The following VTI1A variants were observed in gnomAD, a reference collection of about 807,000 sequenced individuals.
The protein encoded by VTI1A is vesicle transport through interaction with t-SNAREs 1A.
Under a neutral mutation model 34.9 loss-of-function variants are expected in VTI1A, and 22 were observed. That is an observed-to-expected ratio of 0.63 (90% CI 0.45 to 0.90). The LOEUF (loss-of-function observed/expected upper bound fraction) is 0.90. Among genes scored for constraint, VTI1A ranks in the 40% least tolerant of loss-of-function variants. The pLI, the probability that VTI1A is intolerant of heterozygous loss-of-function variation, is 0.00. For missense variants in VTI1A, 268 were observed against 275.6 expected, an observed-to-expected ratio of 0.97 and a Z score of 0.20; for synonymous variants, 87 against 97.3, an observed-to-expected ratio of 0.89 and a Z score of 0.62.
intron 5 of VTI1A, among the ~76,000 whole-genome samples, chr10:112,546,944 C>A (rs1037264096): frequency 2.0e-5 from 3 of 152,114 alleles, no homozygotes; most frequent in African/African-American, 7.2e-5. Context: ...ATACGGATTT[C>A]TCTTCAATTT....
chr10:112,546,663 ACTCACATCC>A (rs1851141714), intron 5 of VTI1A, among the ~76,000 whole-genome samples: 3 of 150,696 alleles, frequency 2.0e-5, no homozygotes, highest in Non-Finnish European at 4.4e-5. Context: ...ATTTAACACT[ACTCACATCC>A]TTTTTTTTTA....
At chr10:112,776,739 G>T (rs531730793) in intron 7 of VTI1A, among the ~76,000 whole-genome samples, 1 of 150,780 alleles carries the variant, frequency 6.6e-6, no homozygotes, top group African/African-American at 2.4e-5. Flanking sequence ...AGTACGTGGG[G>T]TGATCTTGGC....
rs141058085 is a variant in VTI1A, at chr10:112,521,711, A to T, written c.265-5376A>T. Among the ~76,000 whole-genome samples, 1,104 of 152,194 alleles carry T rather than the reference A, an allele frequency of 7.3e-3. 20 individuals carry two copies. Among genetic ancestry groups the T allele is most frequent in the African/African-American group, 0.025 (1,049 of 41,548 alleles). ...TAACAATGTTCCAGGGATCAAACAT[A>T]TATCTAACAGTTTTCTTTACCTTTA... On this transcript the variant is annotated intron_variant, in intron 3 of 7. Transcript: ENST00000393077.
intron 7 of VTI1A, among the ~76,000 whole-genome samples, chr10:112,789,984 ATT>A (rs1262469209): frequency 4.4e-5 from 6 of 136,612 alleles, no homozygotes; most frequent in Non-Finnish European, 3.2e-5. Context: ...TTATCATGTC[ATT>A]TTTTTGTTGA....
At chr10:112,612,420 G>GT (rs1393445669) in intron 5 of VTI1A, among the ~76,000 whole-genome samples, 1 of 151,978 alleles carries the variant, frequency 6.6e-6, no homozygotes, top group Admixed American at 6.5e-5. Flanking sequence ...GTTTTGTTTT[G>GT]TTTTTGTTTT....
chr10:112,524,862 AG>A (rs1307033206), intron 3 of VTI1A, among the ~76,000 whole-genome samples: 3 of 152,168 alleles, frequency 2.0e-5, no homozygotes, highest in African/African-American at 4.8e-5. Context: ...GCCTGTTTAA[AG>A]GTTCTCATTT....
At chr10:112,794,240 C>A (rs1211010350) in intron 7 of VTI1A, among the ~76,000 whole-genome samples, 1 of 152,008 alleles carries the variant, frequency 6.6e-6, no homozygotes, top group African/African-American at 2.4e-5. Flanking sequence ...TTGTAAAATT[C>A]AAAAAATCAG....
intron 7 of VTI1A, among the ~76,000 whole-genome samples, chr10:112,763,540 G>T (rs1851550940): frequency 6.6e-6 from 1 of 152,024 alleles, no homozygotes; most frequent in African/African-American, 2.4e-5. Context: ...GTTGAATTGA[G>T]TTCTTGCTTC....
chr10:112,748,694 C>T (rs1417009230), intron 7 of VTI1A, among the ~76,000 whole-genome samples: 1 of 140,212 alleles, frequency 7.1e-6, no homozygotes, highest in Non-Finnish European at 1.5e-5. Context: ...GGCGCGATCT[C>T]GGCTCACTGC....
At chr10:112,804,134 T>C (rs1259138749) in intron 7 of VTI1A, among the ~76,000 whole-genome samples, 1 of 152,238 alleles carries the variant, frequency 6.6e-6, no homozygotes, top group African/African-American at 2.4e-5. Context: ...CAGGTACTTG[T>C]TGGCTGCCTT....
chr10:112,656,126 A>G (rs1847220003), intron 5 of VTI1A, among the ~76,000 whole-genome samples: 1 of 152,188 alleles, frequency 6.6e-6, no homozygotes, highest in Non-Finnish European at 1.5e-5. Flanking sequence ...TAGGTCCAGG[A>G]TAGCAAGTGG....
intron 7 of VTI1A, among the ~76,000 whole-genome samples, chr10:112,783,078 T>C (rs1317020686): frequency 2.6e-5 from 4 of 151,868 alleles, no homozygotes; most frequent in African/African-American, 9.7e-5. Flanking sequence ...TTACATTTCC[T>C]CTCTCAAGTT....
chr10:112,763,294 G>T (rs1851537022), intron 7 of VTI1A, among the ~76,000 whole-genome samples: 1 of 152,028 alleles, frequency 6.6e-6, no homozygotes, highest in Non-Finnish European at 1.5e-5. Context: ...CAAAAAATTA[G>T]CCGGGCATGG....
At chr10:112,717,739 A>G (rs1162482307) in intron 7 of VTI1A, among the ~76,000 whole-genome samples, 1 of 152,162 alleles carries the variant, frequency 6.6e-6, no homozygotes, top group Non-Finnish European at 1.5e-5. Context: ...TCTACTCAGC[A>G]AGACAGTCGC....
chr10:112,572,215 T>C (rs894567319), intron 5 of VTI1A, among the ~76,000 whole-genome samples: 2 of 152,238 alleles, frequency 1.3e-5, no homozygotes, highest in Non-Finnish European at 2.9e-5. Context: ...TTGCTAGCTG[T>C]GTGACTTTGG....
At chr10:112,780,873 T>C (rs774296930) in intron 7 of VTI1A, among the ~76,000 whole-genome samples, 13 of 152,168 alleles carry the variant, frequency 8.5e-5, no homozygotes, top group Admixed American at 2.0e-4. Flanking sequence ...AAAGGGCCTT[T>C]GCACATGCTG....
chr10:112,521,184 C>T (rs143881779), intron 3 of VTI1A, among the ~76,000 whole-genome samples: 129 of 152,016 alleles, frequency 8.5e-4, no homozygotes, highest in Middle Eastern at 6.8e-3. Context: ...GGAATGACTA[C>T]ATAGAAGAAA....
chr10:112,592,633 C>T (rs570861439), intron 5 of VTI1A, among the ~76,000 whole-genome samples: 1 of 152,208 alleles, frequency 6.6e-6, no homozygotes, highest in Non-Finnish European at 1.5e-5. Flanking sequence ...TATTATTTGA[C>T]ATAGTACTTT....
intron 3 of VTI1A, among the ~76,000 whole-genome samples, chr10:112,480,258 A>G (rs573804881): frequency 1.1e-3 from 172 of 152,356 alleles, no homozygotes; most frequent in African/African-American, 4.1e-3. Context: ...AGCTGAAGCT[A>G]AGAACTTTCG....
Sources: gnomAD v4.1 joint callset for allele counts (sites outside exome capture counted in the v4.1 genomes callset) on GRCh38, gnomAD v4.1.1 for gene constraint, MANE v1.5 for transcripts, NCBI Gene and HGNC (gene_info 2026-07-23, HGNC 2026-07-21) for gene names.